The following ATXN7L1 variants were observed in gnomAD, a reference collection of about 807,000 sequenced individuals.
The protein encoded by ATXN7L1 is ataxin-7-like protein 1.
ATXN7L1 carries 15 observed loss-of-function variants against 70.8 expected under a neutral mutation model. The observed-to-expected ratio is 0.21, with a 90% CI of 0.14 to 0.33. ATXN7L1 has a LOEUF of 0.33. Among genes scored for constraint, ATXN7L1 ranks in the 10% least tolerant of loss-of-function variants. The pLI is 1.00. For synonymous variants in ATXN7L1, 440 were observed against 445.1 expected, an observed-to-expected ratio of 0.99 and a Z score of 0.14; for missense variants, 975 against 1,097.1, an observed-to-expected ratio of 0.89 and a Z score of 1.57.
intron 3 of ATXN7L1, among the ~76,000 whole-genome samples, chr7:105,751,568 C>T (rs767490562): frequency 5.3e-5 from 8 of 151,880 alleles, no homozygotes; most frequent in Non-Finnish European, 8.8e-5. Context: ...CCCAGGAAGT[C>T]GAAGCTGCAG....
intron 2 of ATXN7L1, among the ~76,000 whole-genome samples, chr7:105,865,404 CTTT>C (rs111371346): frequency 2.1e-5 from 3 of 145,094 alleles, no homozygotes; most frequent in Admixed American, 6.9e-5. Context: ...ACCATTTTAA[CTTT>C]TTTTTTTTTT....
chr7:105,864,573 A>G (rs1401953139), intron 2 of ATXN7L1, among the ~76,000 whole-genome samples: 1 of 151,788 alleles, frequency 6.6e-6, no homozygotes, highest in Non-Finnish European at 1.5e-5. Context: ...CTACAGGACA[A>G]CACAGCAGGG....
At chr7:105,611,091 A>G (rs1269073287) in intron 10 of ATXN7L1, among the ~76,000 whole-genome samples, 1 of 152,174 alleles carries the variant, frequency 6.6e-6, no homozygotes, top group African/African-American at 2.4e-5. Context: ...CGGCTAGGAG[A>G]TGTAACGCAC....
chr7:105,617,944 G>T (rs1181676037), intron 9 of ATXN7L1: 1 of 456,642 alleles, frequency 2.2e-6, no homozygotes, highest in African/African-American at 2.0e-5. Flanking sequence ...CGGGGCCTGG[G>T]GTTTGGGCAG....
chr7:105,862,948 T>A (rs574281447), intron 2 of ATXN7L1, among the ~76,000 whole-genome samples: 13 of 152,288 alleles, frequency 8.5e-5, no homozygotes, highest in African/African-American at 3.1e-4. Flanking sequence ...CTAGGGCATC[T>A]CTGTGGCTGA....
intron 3 of ATXN7L1, among the ~76,000 whole-genome samples, chr7:105,766,517 T>C (rs897162007): frequency 6.6e-6 from 1 of 152,182 alleles, no homozygotes; most frequent in African/African-American, 2.4e-5. Flanking sequence ...AATTTTGAAA[T>C]GAGAAATGCA....
At chr7:105,632,921 T>TAAAAAAAAAA (rs11417434) in intron 7 of ATXN7L1, among the ~76,000 whole-genome samples, 3 of 60,058 alleles carry the variant, frequency 5.0e-5, no homozygotes, top group African/African-American at 7.2e-5. Flanking sequence ...ATCTTGTCTT[T>TAAAAAAAAAA]AAAAAAAAAA....
chr7:105,752,372 G>A (rs36091127), intron 3 of ATXN7L1, among the ~76,000 whole-genome samples: 3,841 of 152,310 alleles, frequency 0.025, 82 homozygotes, highest in Non-Finnish European at 0.034. Context: ...CAACGTATGT[G>A]TTGCAAAGTG....
At chr7:105,753,617 C>T (rs1799457126) in intron 3 of ATXN7L1, among the ~76,000 whole-genome samples, 1 of 152,094 alleles carries the variant, frequency 6.6e-6, no homozygotes, top group Non-Finnish European at 1.5e-5. Flanking sequence ...TATTTATGCT[C>T]TCCCTCTCCT....
intron 3 of ATXN7L1, among the ~76,000 whole-genome samples, chr7:105,739,833 G>T (rs1022386647): frequency 3.3e-5 from 5 of 152,124 alleles, no homozygotes; most frequent in African/African-American, 1.2e-4. Flanking sequence ...ATGACCTCTA[G>T]GTCTTTTCCT....
chr7:105,706,729 C>T (rs1473551718), intron 3 of ATXN7L1, among the ~76,000 whole-genome samples: 1 of 152,170 alleles, frequency 6.6e-6, no homozygotes, highest in African/African-American at 2.4e-5. Context: ...CTTCTAGGTC[C>T]CCGATGTAGA....
chr7:105,823,417 C>T (rs1810431427), intron 2 of ATXN7L1, among the ~76,000 whole-genome samples: 2 of 152,154 alleles, frequency 1.3e-5, no homozygotes, highest in Admixed American at 6.5e-5. Context: ...GTTCTTGAAT[C>T]GTAACAGGCC....
At chr7:105,641,269 C>A (rs549194382) in intron 5 of ATXN7L1, among the ~76,000 whole-genome samples, 2 of 106,406 alleles carry the variant, frequency 1.9e-5, no homozygotes, top group Admixed American at 2.8e-4. Context: ...AAAAAACCTG[C>A]TAGGCCTGGA....
intron 4 of ATXN7L1, among the ~76,000 whole-genome samples, chr7:105,653,268 T>C (rs1800131041): frequency 6.6e-6 from 1 of 152,066 alleles, no homozygotes; most frequent in South Asian, 2.1e-4. Flanking sequence ...TCCAACATCA[T>C]GAAACCCCGT....
intron 3 of ATXN7L1, among the ~76,000 whole-genome samples, chr7:105,670,903 G>T (rs543583318): frequency 2.6e-5 from 4 of 151,944 alleles, no homozygotes; most frequent in Non-Finnish European, 5.9e-5. Flanking sequence ...TCAGGAGATC[G>T]AGACCATCCT....
At chr7:105,613,247 T>C (rs111738591) in intron 10 of ATXN7L1, among the ~76,000 whole-genome samples, 2,631 of 152,328 alleles carry the variant, frequency 0.017, 63 homozygotes, top group African/African-American at 0.059. Context: ...CACCATGGCA[T>C]TGAACACTTC....
At chr7:105,873,260 T>G (rs969493855) in intron 2 of ATXN7L1, among the ~76,000 whole-genome samples, 1 of 152,250 alleles carries the variant, frequency 6.6e-6, no homozygotes, top group Non-Finnish European at 1.5e-5. Context: ...TTTTGTTCAT[T>G]CATTCCCATT....
At chr7:105,621,551 C>T (rs909493649) in intron 8 of ATXN7L1, among the ~76,000 whole-genome samples, 1 of 152,188 alleles carries the variant, frequency 6.6e-6, no homozygotes, top group African/African-American at 2.4e-5. Context: ...CACACTATCT[C>T]TCTTAAAATA....
chr7:105,761,561 T>C (rs1250050980), intron 3 of ATXN7L1: 2 of 1,480,860 alleles, frequency 1.4e-6, no homozygotes, highest in Non-Finnish European at 1.8e-6. Flanking sequence ...CCAATTGCCA[T>C]GTTTCCCCCT....
Sources: gnomAD v4.1 joint callset for allele counts (sites outside exome capture counted in the v4.1 genomes callset) on GRCh38, gnomAD v4.1.1 for gene constraint, MANE v1.5 for transcripts, NCBI Gene and HGNC (gene_info 2026-07-23, HGNC 2026-07-21) for gene names.